PGBD2: variants seen among roughly 807,000 people sequenced by gnomAD.
PGBD2 encodes the protein piggyBac transposable element-derived protein 2.
PGBD2 carries 6 observed loss-of-function variants against 8.1 expected under a neutral mutation model. The ratio of observed to expected loss-of-function variants is 0.74; its 90% CI spans 0.40 to 1.46. PGBD2 has a LOEUF of 1.46. Among genes scored for constraint, PGBD2 ranks in the 40% most tolerant of loss-of-function variants. The pLI is 0.02. For missense variants in PGBD2, 802 were observed against 739.0 expected, an observed-to-expected ratio of 1.09 and a Z score of -0.99; for synonymous variants, 318 against 272.2, an observed-to-expected ratio of 1.17 and a Z score of -1.66.
the PGBD2 span, among the ~76,000 whole-genome samples, chr1:248,873,849 C>G: frequency 6.6e-6 from 1 of 152,182 alleles, no homozygotes; most frequent in African/African-American, 2.4e-5. Flanking sequence ...CGCTCTGCTT[C>G]CGAGTGTCAG....
At chr1:248,883,584 CTTTTTTT>C in the PGBD2 span, among the ~76,000 whole-genome samples, 253 of 89,136 alleles carry the variant, frequency 2.8e-3, no homozygotes, top group Non-Finnish European at 3.1e-3. Context: ...TTTTTTTTTT[CTTTTTTT>C]TTTTTTTTTT....
chr1:248,874,297 G>C, the PGBD2 span, among the ~76,000 whole-genome samples: 4 of 152,160 alleles, frequency 2.6e-5, no homozygotes, highest in South Asian at 2.1e-4. Context: ...GCCGCGGCCC[G>C]GGTTCGATTC....
the PGBD2 span, among the ~76,000 whole-genome samples, chr1:248,874,249 C>T: frequency 1.3e-5 from 2 of 152,184 alleles, no homozygotes; most frequent in East Asian, 1.9e-4. Context: ...ATCATGTCTT[C>T]CCTGGTGGTC....
chr1:248,886,265 A>G, the PGBD2 span, among the ~76,000 whole-genome samples: 121 of 152,370 alleles, frequency 7.9e-4, 2 homozygotes, highest in Middle Eastern at 3.4e-3. Flanking sequence ...AGTTATCAAT[A>G]TCACCAGCCT....
At chr1:248,902,957 G>GCA (rs112689092), upstream of PGBD2, among the ~76,000 whole-genome samples, 8,481 of 152,052 alleles carry the variant, frequency 0.056, 661 homozygotes, top group African/African-American at 0.18. Flanking sequence ...AATCAGCATG[G>GCA]CACATTTACC....
At chr1:248,908,464 C>T (rs1227474773) in intron 1 of PGBD2, among the ~76,000 whole-genome samples, 1 of 151,768 alleles carries the variant, frequency 6.6e-6, no homozygotes, top group Admixed American at 6.6e-5. Flanking sequence ...TCAGCTTTCT[C>T]CCCTGCCCTA....
At chr1:248,910,158 T>C (rs1458357353) in intron 1 of PGBD2, among the ~76,000 whole-genome samples, 1 of 152,258 alleles carries the variant, frequency 6.6e-6, no homozygotes, top group Non-Finnish European at 1.5e-5. Context: ...TTGAGTTTTA[T>C]CAGTCATACT....
the PGBD2 span, among the ~76,000 whole-genome samples, chr1:248,878,678 T>G: frequency 6.6e-6 from 1 of 152,218 alleles, no homozygotes; most frequent in African/African-American, 2.4e-5. Flanking sequence ...GATTATAAGG[T>G]ATGCAGAAAT....
At chr1:248,922,486 A>G (rs113506199), downstream of PGBD2, among the ~76,000 whole-genome samples, 4,299 of 152,234 alleles carry the variant, frequency 0.028, 219 homozygotes, top group African/African-American at 0.099. Context: ...AGAACTTCCA[A>G]TACTGTGTTG....
chr1:248,877,520 T>A, the PGBD2 span, among the ~76,000 whole-genome samples: 3 of 152,238 alleles, frequency 2.0e-5, no homozygotes, highest in Non-Finnish European at 4.4e-5. Flanking sequence ...GTACAGAAGC[T>A]TATAGGCCAT....
chr1:248,916,652 T>G lies in PGBD2; in HGVS notation c.68T>G (p.Leu23Arg). 1 of 1,614,208 alleles carries G rather than the reference T, an allele frequency of 6.2e-7. No individual in the cohort carries two copies. The highest frequency in any genetic ancestry group is 1.1e-5 in the South Asian group (1 of 91,090). Residue 23 changes from leucine (L) to arginine (R), a missense_variant, in exon 3 of 3, where the codon CTG becomes CGG. Physicochemically the swap from Leu to Arg is moderately radical, Grantham distance 102. Coordinates refer to ENST00000329291, the MANE Select transcript of PGBD2 (RefSeq NM_170725.3). ...CACTCAAAGGTGAAGTCTGCAAAGCTGCTTGAGGTTCTGAATGCTATGGAG... is the reference window on the plus strand; with the variant it reads ...CACTCAAAGGTGAAGTCTGCAAAGCGGCTTGAGGTTCTGAATGCTATGGAG... ...GIHSKVKSAKLLEVLNAMEEE... is the reference protein window; with the variant it reads ...GIHSKVKSAKRLEVLNAMEEE...
chr1:248,924,052 C>G (rs1662338305), downstream of PGBD2, among the ~76,000 whole-genome samples: 1 of 152,236 alleles, frequency 6.6e-6, no homozygotes, highest in Non-Finnish European at 1.5e-5. Flanking sequence ...GTCCACCCAG[C>G]TGGGGTGAAT....
In PGBD2 at chr1:248,913,892, T is replaced by C. The variant is rs748084200; in HGVS notation, c.17+13T>C. 1.2e-6 allele frequency: 2 copies of C among 1,604,352 alleles called. No individual in the cohort carries two copies. Among genetic ancestry groups the C allele is most frequent in the East Asian group, 2.2e-5 (1 of 44,822 alleles). ...CTTCAACATCCAGGTAGGAGTGCTGTTTGATCAAATGTTTTATTGAAGAAT... is the reference window on the plus strand; with the variant it reads ...CTTCAACATCCAGGTAGGAGTGCTGCTTGATCAAATGTTTTATTGAAGAAT... On this transcript the variant is annotated intron_variant, in intron 2 of 2. Transcript: ENST00000329291.
chr1:248,907,734 C>G (rs930140209), intron 1 of PGBD2, among the ~76,000 whole-genome samples: 2 of 152,200 alleles, frequency 1.3e-5, no homozygotes, highest in Non-Finnish European at 2.9e-5. Flanking sequence ...TGATTCCATA[C>G]AACACATGTT....
chr1:248,874,309 C>A, the PGBD2 span, among the ~76,000 whole-genome samples: 18 of 152,276 alleles, frequency 1.2e-4, no homozygotes, highest in African/African-American at 4.3e-4. Context: ...GTTCGATTCC[C>A]GGTCAGGAAA....
At position 248,906,295 on chromosome 1, in the gene PGBD2, G is replaced by A. The variant is rs1472919226; in HGVS notation, c.-95G>A. On this transcript the variant is annotated 5_prime_UTR_variant, in exon 1 of 3. Coordinates refer to ENST00000329291, the MANE Select transcript of PGBD2 (RefSeq NM_170725.3). ...AGGCGCAGCGCTCCGATTCGGCGCG[G>A]CTCATGGTCCGGTTCGGGCTCGCGA... The A allele has an allele frequency of 6.6e-6, 1 of 152,114 alleles. No individual in the cohort carries two copies. Among genetic ancestry groups the A allele is most frequent in the African/African-American group, 2.4e-5 (1 of 41,414 alleles). 9.4% of individuals were successfully genotyped at this position (152,114 alleles called of 1,614,324 possible).
At chr1:248,898,420 C>T in the PGBD2 span, among the ~76,000 whole-genome samples, 1 of 152,198 alleles carries the variant, frequency 6.6e-6, no homozygotes, top group Non-Finnish European at 1.5e-5. Flanking sequence ...TCCCAAAGTG[C>T]TGGGATTACA....
chr1:248,909,772 C>G (rs1354222054), intron 1 of PGBD2, among the ~76,000 whole-genome samples: 1 of 152,128 alleles, frequency 6.6e-6, no homozygotes, highest in East Asian at 1.9e-4. Flanking sequence ...GCACAGCACA[C>G]AAGAAGAAAG....
At chr1:248,908,790 A>G (rs1278579795) in intron 1 of PGBD2, among the ~76,000 whole-genome samples, 3 of 151,602 alleles carry the variant, frequency 2.0e-5, no homozygotes, top group Non-Finnish European at 4.4e-5. Context: ...CCTGTCCCGC[A>G]GATTCCTTAC....
Sources: gnomAD v4.1 joint callset for allele counts (sites outside exome capture counted in the v4.1 genomes callset) on GRCh38, gnomAD v4.1.1 for gene constraint, MANE v1.5 for transcripts, NCBI Gene and HGNC (gene_info 2026-07-23, HGNC 2026-07-21) for gene names.